Variants in CDK14 observed in about 807,000 individuals in gnomAD.
CDK14 encodes cyclin-dependent kinase 14.
Under a neutral mutation model 60.7 loss-of-function variants are expected in CDK14, and 34 were observed. The ratio of observed to expected loss-of-function variants is 0.56; its 90% CI spans 0.43 to 0.75. CDK14 has a LOEUF of 0.75. Ranked by LOEUF, CDK14 falls within the 30% of genes least tolerant of loss-of-function variation. The pLI, the probability that CDK14 is intolerant of heterozygous loss-of-function variation, is 0.00. For missense variants in CDK14, 482 were observed against 564.1 expected (o/e 0.85, Z 1.47); for synonymous variants, 197 against 203.7 (o/e 0.97, Z 0.28).
rs555074304 is a variant in CDK14, at chr7:90,798,832, G to C, written c.544+8180G>C. On this transcript the variant is annotated intron_variant, in intron 5 of 14. Transcript: ENST00000380050. ...GAAACTCATTCTGTCCTCGATGGCA[G>C]CTTGGAGAAATTAAGTTGTAGTGCT... Among the ~76,000 whole-genome samples, 197 of 152,288 alleles carry C rather than the reference G, an allele frequency of 1.3e-3. 1 individual carries two copies. The highest frequency in any genetic ancestry group is 3.4e-3 in the Middle Eastern group (1 of 294).
rs569956439 is a variant in CDK14 at position 90,835,301 on chromosome 7, A to C, written c.545-27874A>C. 2.0e-5 allele frequency among the ~76,000 whole-genome samples: 3 copies of C among 152,222 alleles called. No individual in the cohort carries two copies. In the East Asian group the frequency reaches 5.8e-4, roughly 29 times the overall value. ...ATTGTTAAGCGTGGGTAAGTGTGGC[A>C]GGTGGGGAGTGGAGAACTTGAAGTC... On this transcript the variant is annotated intron_variant, in intron 5 of 14. Coordinates refer to ENST00000380050, the MANE Select transcript of CDK14 (RefSeq NM_001287135.2).
intron 11 of CDK14, among the ~76,000 whole-genome samples, chr7:91,047,888 C>T (rs1463734757): frequency 1.3e-5 from 2 of 152,140 alleles, no homozygotes; most frequent in Admixed American, 6.5e-5. Context: ...AGGGGAGCCC[C>T]AGTCCCTGAC....
rs564729987 is a variant in CDK14, at chr7:91,076,242, C to CAAAAAAAAAAAAAAA, written c.1106-3170_1106-3156dup. 4.2e-4 allele frequency among the ~76,000 whole-genome samples: 12 copies of CAAAAAAAAAAAAAAA among 28,800 alleles called. 1 individual carries two copies. The highest frequency in any genetic ancestry group is 6.9e-4 in the Non-Finnish European group (10 of 14,460). 18.9% of individuals were successfully genotyped at this position (28,800 alleles called of 152,430 possible). A position where few individuals can be genotyped will look rare whatever the true frequency, so the allele number is the denominator to read the frequency against. On this transcript the variant is annotated intron_variant, in intron 11 of 14. Transcript: ENST00000380050. ...AACTATACTACAGTGCTACAGTAAC[C>CAAAAAAAAAAAAAAA]AAAAAAAAAAAAAAAAAAAAAAAAA...
intron 2 of CDK14, among the ~76,000 whole-genome samples, chr7:90,664,738 A>G (rs946690484): frequency 1.3e-5 from 2 of 148,374 alleles, no homozygotes; most frequent in African/African-American, 2.5e-5. Context: ...TAATCGAACA[A>G]TGAGAACACA....
At chr7:91,122,366 T>C (rs1335706324) in intron 14 of CDK14, among the ~76,000 whole-genome samples, 1 of 152,192 alleles carries the variant, frequency 6.6e-6, no homozygotes, top group African/African-American at 2.4e-5. Context: ...CAGAGTAGAA[T>C]GCTCAATGAA....
chr7:90,616,867 C>T (rs982099276), intron 2 of CDK14, among the ~76,000 whole-genome samples: 11 of 151,822 alleles, frequency 7.2e-5, no homozygotes, highest in South Asian at 2.1e-4. Flanking sequence ...ATTATATCAT[C>T]ATCATCATAT....
At chr7:91,009,793 TCA>T (rs1157363248) in intron 10 of CDK14, among the ~76,000 whole-genome samples, 2 of 152,112 alleles carry the variant, frequency 1.3e-5, no homozygotes, top group Non-Finnish European at 2.9e-5. Context: ...CTCATTGTCT[TCA>T]CAGTTTCTTT....
intron 12 of CDK14, among the ~76,000 whole-genome samples, chr7:91,109,037 A>G (rs1015924699): frequency 7.2e-5 from 11 of 152,146 alleles, no homozygotes; most frequent in Admixed American, 6.5e-4. Context: ...ATAATTGTTA[A>G]TAATAAAATT....
At chr7:91,002,661 C>T (rs1795873906) in intron 10 of CDK14, among the ~76,000 whole-genome samples, 1 of 152,184 alleles carries the variant, frequency 6.6e-6, no homozygotes, top group South Asian at 2.1e-4. Context: ...AGGGATCTCA[C>T]AGTCTGGCCA....
At chr7:90,957,348 C>A (rs1794458473) in intron 9 of CDK14, among the ~76,000 whole-genome samples, 1 of 152,034 alleles carries the variant, frequency 6.6e-6, no homozygotes, top group Non-Finnish European at 1.5e-5. Context: ...GAAGTTCTGG[C>A]CAGGGCAATT....
rs140946327 is a variant in CDK14 at position 91,070,738 on chromosome 7, G to T, written c.1106-8694G>T. 1.1e-3 allele frequency among the ~76,000 whole-genome samples: 170 copies of T among 151,912 alleles called. 2 individuals carry two copies. In the South Asian group the frequency reaches 0.021, roughly 19 times the overall value. ...TATGCCATTGCACTCCAGCCTGGGT[G>T]ACAGAGCAAGACCTTGTCTTTAAAA... On this transcript the variant is annotated intron_variant, in intron 11 of 14. Coordinates refer to ENST00000380050, the MANE Select transcript of CDK14 (RefSeq NM_001287135.2).
At chr7:90,657,100 C>A (rs1264228483) in intron 2 of CDK14, among the ~76,000 whole-genome samples, 1 of 151,968 alleles carries the variant, frequency 6.6e-6, no homozygotes, top group Non-Finnish European at 1.5e-5. Flanking sequence ...ATTAGAAATT[C>A]CTGTTTCTCA....
intron 8 of CDK14, among the ~76,000 whole-genome samples, chr7:90,951,432 C>A (rs946577725): frequency 6.6e-6 from 1 of 152,158 alleles, no homozygotes; most frequent in Non-Finnish European, 1.5e-5. Flanking sequence ...GTTGACTCTG[C>A]AAATTCAGCT....
At chr7:90,778,221 A>G (rs1469998594) in intron 4 of CDK14, among the ~76,000 whole-genome samples, 1 of 152,206 alleles carries the variant, frequency 6.6e-6, no homozygotes, top group Non-Finnish European at 1.5e-5. Context: ...TTTTGTCTAA[A>G]TCTTTCATCC....
chr7:90,865,994 T>C (rs868285393), intron 6 of CDK14, among the ~76,000 whole-genome samples: 2 of 152,122 alleles, frequency 1.3e-5, no homozygotes, highest in South Asian at 4.1e-4. Context: ...AAAACTTTCT[T>C]CTTTCTTTCC....
intron 10 of CDK14, among the ~76,000 whole-genome samples, chr7:91,018,689 C>T (rs1206636412): frequency 6.6e-6 from 1 of 152,116 alleles, no homozygotes; most frequent in Admixed American, 6.5e-5. Flanking sequence ...CTCCCAAAAT[C>T]TGGTTGTTTA....
chr7:90,646,290 G>T (rs1286723063), intron 2 of CDK14, among the ~76,000 whole-genome samples: 3 of 137,694 alleles, frequency 2.2e-5, no homozygotes, highest in African/African-American at 5.6e-5. Flanking sequence ...CATACTGACA[G>T]TATGAAGGAC....
intron 5 of CDK14, among the ~76,000 whole-genome samples, chr7:90,800,017 A>G (rs1788578414): frequency 6.6e-6 from 1 of 152,208 alleles, no homozygotes; most frequent in Non-Finnish European, 1.5e-5. Context: ...ACTCAGAGAC[A>G]GTAGAAACAT....
At chr7:90,860,824 C>T (rs551035730) in intron 5 of CDK14, among the ~76,000 whole-genome samples, 18 of 152,098 alleles carry the variant, frequency 1.2e-4, no homozygotes, top group African/African-American at 2.9e-4. Context: ...CGCCTGGCCG[C>T]GTCTCATTCC....
Sources: gnomAD v4.1 joint callset for allele counts (sites outside exome capture counted in the v4.1 genomes callset) on GRCh38, gnomAD v4.1.1 for gene constraint, MANE v1.5 for transcripts, NCBI Gene and HGNC (gene_info 2026-07-23, HGNC 2026-07-21) for gene names.